The following CSMD1 variants were observed in gnomAD, a reference collection of about 807,000 sequenced individuals.
CSMD1 encodes the protein CUB and Sushi multiple domains 1.
Under a neutral mutation model 417.5 loss-of-function variants are expected in CSMD1, and 213 were observed. That is an observed-to-expected ratio of 0.51 (90% confidence interval 0.46 to 0.57). The LOEUF is 0.57. Ranked by LOEUF, CSMD1 falls within the 20% of genes least tolerant of loss-of-function variation. CSMD1 has a pLI of 0.00. For synonymous variants in CSMD1, 2,862 were observed against 1,736.8 expected, an observed-to-expected ratio of 1.65 and a Z score of -16.11; for missense variants, 6,923 against 4,529.7, an observed-to-expected ratio of 1.53 and a Z score of -15.17.
intron 1 of CSMD1, among the ~76,000 whole-genome samples, chr8:4,695,721 G>A (rs746991976): frequency 1.6e-4 from 25 of 152,172 alleles, no homozygotes; most frequent in Middle Eastern, 3.4e-3. Context: ...AGGATTTACC[G>A]TTGGTATTTT....
At chr8:2,963,201 A>G in intron 60 of CSMD1, 21 bp downstream of exon 60, 1 of 1,612,800 alleles carries the variant, frequency 6.2e-7, no homozygotes, top group Non-Finnish European at 8.5e-7. Flanking sequence ...TGGGCGGAAC[A>G]AATTCTGCTG....
At chr8:4,446,579 A>T (rs950388311) in intron 2 of CSMD1, among the ~76,000 whole-genome samples, 1 of 152,020 alleles carries the variant, frequency 6.6e-6, no homozygotes, top group African/African-American at 2.4e-5. Flanking sequence ...GGGAAGATGG[A>T]GTCTCATTCT....
chr8:4,960,174 A>C (rs1052142404), intron 1 of CSMD1, among the ~76,000 whole-genome samples: 11 of 152,180 alleles, frequency 7.2e-5, no homozygotes, highest in African/African-American at 2.4e-4. Context: ...CTTTTTCAAT[A>C]TTTCTAAAGA....
At chr8:3,377,688 T>A (rs946839009) in intron 18 of CSMD1, among the ~76,000 whole-genome samples, 1 of 152,180 alleles carries the variant, frequency 6.6e-6, no homozygotes, top group Admixed American at 6.5e-5. Flanking sequence ...CTGGTAATTC[T>A]GCTCATATCC....
chr8:3,391,324 T>C (rs1375453309), intron 17 of CSMD1, among the ~76,000 whole-genome samples: 1 of 152,202 alleles, frequency 6.6e-6, no homozygotes, highest in Non-Finnish European at 1.5e-5. Context: ...TCAGAGATGA[T>C]TAACAAGATA....
chr8:3,907,567 T>C (rs1292516619), intron 5 of CSMD1, among the ~76,000 whole-genome samples: 4 of 152,112 alleles, frequency 2.6e-5, no homozygotes, highest in South Asian at 4.1e-4. Flanking sequence ...CAAGTGTGAG[T>C]TACCAGTGGT....
chr8:3,619,998 A>T (rs959468566), intron 7 of CSMD1, among the ~76,000 whole-genome samples: 1 of 152,190 alleles, frequency 6.6e-6, no homozygotes, highest in African/African-American at 2.4e-5. Context: ...GCTACTTGGG[A>T]GGCTGAGACA....
In CSMD1 at chr8:4,952,347, A is replaced by AG. The variant is rs59287348; in HGVS notation, c.85+41984_85+41985insC. On this transcript the variant is annotated intron_variant, in intron 1 of 69. Coordinates refer to ENST00000635120, the MANE Select transcript of CSMD1 (RefSeq NM_033225.6). Reference sequence around the variant, plus strand: ...GGAATGAAAACAAACCCAATAAGTGAAACTGAATAATGTATGCGTTGATTC... The same window carrying AG: ...GGAATGAAAACAAACCCAATAAGTGAGAACTGAATAATGTATGCGTTGATTC... Among the ~76,000 whole-genome samples, 9 of 151,680 alleles carry AG rather than the reference A, an allele frequency of 5.9e-5. No individual in the cohort carries two copies. In the South Asian group the frequency reaches 1.7e-3, roughly 28 times the overall value.
chr8:3,476,359 C>G (rs1585220887), intron 11 of CSMD1, among the ~76,000 whole-genome samples: 1 of 152,046 alleles, frequency 6.6e-6, no homozygotes, highest in African/African-American at 2.4e-5. Context: ...AATTCCCTGT[C>G]AAAGAATATT....
In CSMD1 at chr8:4,056,870, A is replaced by G. The variant is rs560853292; in HGVS notation, c.416-24771T>C. The stretch of plus-strand genomic sequence containing the variant: ...TCCCTACAAAGGACATGAAGTCATC[A>G]TTTTTTATGGCTGCATAGTATTCCA... On this transcript the variant is annotated intron_variant, in intron 3 of 69. Transcript: ENST00000635120. Among the ~76,000 whole-genome samples the G allele has an allele frequency of 5.3e-5, 8 of 152,276 alleles. 1 individual carries two copies. The highest frequency in any genetic ancestry group is 1.3e-4 in the Admixed American group (2 of 15,292).
chr8:4,790,481 T>C (rs568062308), intron 1 of CSMD1, among the ~76,000 whole-genome samples: 1 of 152,186 alleles, frequency 6.6e-6, no homozygotes, highest in Non-Finnish European at 1.5e-5. Flanking sequence ...AAAAAAACTC[T>C]TCTAAAATTT....
At chr8:4,487,638 C>T (rs1472505707) in intron 2 of CSMD1, among the ~76,000 whole-genome samples, 1 of 152,094 alleles carries the variant, frequency 6.6e-6, no homozygotes, top group Non-Finnish European at 1.5e-5. Context: ...ATAAGGCACA[C>T]CCTTGATTTT....
chr8:3,199,665 A>C lies in CSMD1; in HGVS notation c.5194+49T>G, dbSNP rs572485564. 31 of 1,289,926 alleles carry C rather than the reference A, an allele frequency of 2.4e-5. No homozygotes were observed. The East Asian group carries it at 7.4e-4, about 31-fold the overall frequency. The allele number at this position is 1,289,926 out of a possible 1,614,324, so 79.9% of individuals were successfully genotyped here. A position where few individuals can be genotyped will look rare whatever the true frequency, so the allele number is the denominator to read the frequency against. ...GTCTGAGACTAGCCGTGGGTGCAGCATCAGGAAAGACCACAGTGACATGTG... is the reference window on the plus strand; with the variant it reads ...GTCTGAGACTAGCCGTGGGTGCAGCCTCAGGAAAGACCACAGTGACATGTG... On this transcript the variant is annotated intron_variant, in intron 33 of 69. Transcript: ENST00000635120.
Position 4,001,121 on chromosome 8 carries a change from T to C in CSMD1, c.611-3011A>G, listed in dbSNP as rs543789399. 2.0e-5 allele frequency among the ~76,000 whole-genome samples: 3 copies of C among 152,218 alleles called. No individual in the cohort carries two copies. The South Asian group carries it at 6.2e-4, about 32-fold the overall frequency. On this transcript the variant is annotated intron_variant, in intron 4 of 69. Transcript: ENST00000635120. ...CATGGCAGTCGATGAGCTGAATCAC[T>C]TTCTATTATTTAAAAAGCTTTGAAA...
chr8:4,435,010 T>A (rs1160395213), intron 2 of CSMD1, among the ~76,000 whole-genome samples: 1 of 152,200 alleles, frequency 6.6e-6, no homozygotes, highest in African/African-American at 2.4e-5. Context: ...TGTCTACTCT[T>A]GGAGACATTT....
rs1816922113 is a variant in CSMD1 at position 3,468,723 on chromosome 8, G to C, written c.1550C>G (p.Ala517Gly). ...DDSIGSPGFK[A>G]VYQEIEKGGC... ...TAATCTCATCATACCTTGGTAAACAGCTTTAAACCCAGGTGAGCCAATGCT... is the reference window on the plus strand; with the variant it reads ...TAATCTCATCATACCTTGGTAAACACCTTTAAACCCAGGTGAGCCAATGCT... Residue 517 changes from alanine to glycine, a missense_variant, in exon 12 of 70, where the codon GCT (alanine) becomes GGT (glycine). Physicochemically the swap from Ala to Gly is moderately conservative, Grantham distance 60 (BLOSUM62 0). Transcript: ENST00000635120. The C allele has an allele frequency of 6.2e-7, 1 of 1,600,428 alleles. No individual in the cohort carries two copies. Among genetic ancestry groups the C allele is most frequent in the Non-Finnish European group, 8.5e-7 (1 of 1,172,816 alleles).
At chr8:4,712,129 G>A (rs1808344517) in intron 1 of CSMD1, among the ~76,000 whole-genome samples, 1 of 152,180 alleles carries the variant, frequency 6.6e-6, no homozygotes, top group African/African-American at 2.4e-5. Flanking sequence ...ACTGACCGTG[G>A]TTGAAGCTGG....
intron 6 of CSMD1, among the ~76,000 whole-genome samples, chr8:3,737,975 A>G (rs190832701): frequency 1.2e-3 from 183 of 152,350 alleles, no homozygotes; most frequent in African/African-American, 4.3e-3. Context: ...ATTACTTGTA[A>G]TAAATTGCAG....
intron 49 of CSMD1, among the ~76,000 whole-genome samples, chr8:3,061,294 T>A (rs931933458): frequency 4.6e-5 from 7 of 152,170 alleles, no homozygotes; most frequent in Admixed American, 4.6e-4. Flanking sequence ...CAGCAAATAG[T>A]CACATTTATT....
Sources: gnomAD v4.1 joint callset for allele counts (sites outside exome capture counted in the v4.1 genomes callset) on GRCh38, gnomAD v4.1.1 for gene constraint, MANE v1.5 for transcripts, NCBI Gene and HGNC (gene_info 2026-07-23, HGNC 2026-07-21) for gene names.